RLIM: variants seen among roughly 807,000 people sequenced by gnomAD.
RLIM encodes ring finger protein, LIM domain interacting, also known as E3 ubiquitin-protein ligase RLIM.
RLIM carries 2 observed loss-of-function variants against 34.0 expected under a neutral mutation model. The ratio of observed to expected loss-of-function variants is 0.06; its 90% CI spans 0.02 to 0.19. The LOEUF is 0.19. Among genes scored for constraint, RLIM ranks in the 10% least tolerant of loss-of-function variants. The pLI is 1.00. For missense variants in RLIM, 286 were observed against 479.7 expected (o/e 0.60, Z 3.77); for synonymous variants, 169 against 164.0 (o/e 1.03, Z -0.23).
chrX:74,598,839 T>C (rs1328452548), intron 1 of RLIM, among the ~76,000 whole-genome samples: 2 of 110,425 alleles, frequency 1.8e-5, no homozygotes, highest in Non-Finnish European at 1.9e-5. Flanking sequence ...ACTAAAATCA[T>C]ACACTTGTGG....
rs766129561 is a variant in RLIM at position 74,591,972 on chromosome X, C to T, written c.1343G>A (p.Gly448Asp). 98 of 1,209,881 alleles carry T rather than the reference C, an allele frequency of 8.1e-5. No homozygotes were observed. Among genetic ancestry groups the T allele is most frequent in the Non-Finnish European group, 9.7e-5 (87 of 895,195 alleles). Residue 448 changes from glycine (G) to aspartate (D), a missense_variant, in exon 4 of 4, where the codon GGT (glycine) becomes GAT (aspartate). By Grantham distance (94) the Gly-to-Asp change is moderately conservative (BLOSUM62 -1). This residue lies in a region of RLIM where 69 missense variants were observed against 83.5 expected (regional missense o/e 0.83). Transcript: ENST00000332687. The part of the protein sequence containing the change: ...ERAESRSGRG[G>D]SGGGSSSGSS... ...ACCAGAACTACTACCACCACCAGAA[C>T]CTCCTCTTCCACTCCGTGACTCTGC...
chrX:74,601,525 C>A (rs1302176157), intron 1 of RLIM, among the ~76,000 whole-genome samples: 1 of 111,712 alleles, frequency 9.0e-6, no homozygotes, highest in Non-Finnish European at 1.9e-5. Context: ...CAAACCCCCC[C>A]CCAAAAAGAT....
rs1317357431 is a variant in RLIM at position 74,589,554 on chromosome X, T to G, written c.*1886A>C. 8.9e-6 allele frequency: 1 copy of G among 112,520 alleles called. No individual in the cohort carries two copies. Among genetic ancestry groups the G allele is most frequent in the Admixed American group, 9.4e-5 (1 of 10,591 alleles). 9.3% of individuals were successfully genotyped at this position (112,520 alleles called of 1,213,427 possible). The stretch of plus-strand genomic sequence containing the variant: ...TACCATATTTACAAGTTAATTTCCT[T>G]GATACTTAGATAGGATTGAAAGCCA... On this transcript the variant is annotated 3_prime_UTR_variant, in exon 4 of 4. Coordinates refer to ENST00000332687, the MANE Select transcript of RLIM (RefSeq NM_016120.4).
Position 74,585,405 on chromosome X carries a change from T to C in RLIM, c.*6035A>G, listed in dbSNP as rs1931324143. ...CCATGACTCTAAAAATCAAGTCTAT[T>C]TGACATTGGTTTGAAGCAACAGAAC... On this transcript the variant is annotated 3_prime_UTR_variant, in exon 4 of 4. Transcript: ENST00000332687. 1 of 111,963 alleles carries C rather than the reference T, an allele frequency of 8.9e-6. No individual in the cohort carries two copies. Among genetic ancestry groups the C allele is most frequent in the Admixed American group, 9.5e-5 (1 of 10,503 alleles). The allele number at this position is 111,963 out of a possible 1,213,427, so 9.2% of individuals were successfully genotyped here. A position where few individuals can be genotyped will look rare whatever the true frequency, so the allele number is the denominator to read the frequency against.
intron 1 of RLIM, among the ~76,000 whole-genome samples, chrX:74,607,481 G>A (rs898068191): frequency 8.9e-6 from 1 of 112,989 alleles, no homozygotes; most frequent in Non-Finnish European, 1.9e-5. Flanking sequence ...AGGCCGACGC[G>A]GGCGGATCAC....
intron 1 of RLIM, among the ~76,000 whole-genome samples, chrX:74,609,789 A>G: frequency 9.0e-6 from 1 of 111,559 alleles, no homozygotes; most frequent in Non-Finnish European, 1.9e-5. Flanking sequence ...CCTTAGTTAT[A>G]ATCAGCACTA....
chrX:74,610,463 A>C (rs1331836813), intron 1 of RLIM, among the ~76,000 whole-genome samples: 10 of 100,412 alleles, frequency 1.0e-4, no homozygotes, highest in African/African-American at 4.0e-4. Context: ...ACAAACAAAA[A>C]AAACCAAAAA....
In RLIM at chrX:74,587,118, A is replaced by G. The variant is rs1485471914; in HGVS notation, c.*4322T>C. The G allele has an allele frequency of 8.9e-6, 1 of 111,954 alleles. No homozygotes were observed. The highest frequency in any genetic ancestry group is 3.2e-5 in the African/African-American group (1 of 30,785). The allele number at this position is 111,954 out of a possible 1,213,427, so 9.2% of individuals were successfully genotyped here. ...AAAAAATAAAATAAAATAAAAATAA[A>G]TAAGTGACATACTAGTTCCTCGGAT... is the stretch of plus-strand genomic sequence containing the variant. On this transcript the variant is annotated 3_prime_UTR_variant, in exon 4 of 4. Coordinates refer to ENST00000332687, the MANE Select transcript of RLIM (RefSeq NM_016120.4).
intron 1 of RLIM, among the ~76,000 whole-genome samples, chrX:74,612,302 T>G (rs1002209971): frequency 6.2e-5 from 7 of 112,251 alleles, no homozygotes; most frequent in Non-Finnish European, 1.3e-4. Flanking sequence ...CAACAAATTT[T>G]TTGTTGTTGT....
Position 74,592,251 on chromosome X carries a change from G to T in RLIM, c.1064C>A (p.Thr355Asn). Residue 355 changes from threonine (T) to asparagine (N), a missense_variant, in exon 4 of 4, where the codon ACC becomes AAC. Physicochemically the swap from Thr to Asn is moderately conservative, Grantham distance 65. This residue lies in a region of RLIM where 121 missense variants were observed against 182.4 expected (regional missense o/e 0.66). Transcript: ENST00000332687. ...SRSQTPNNTV[T>N]YESERGGFRR... ...AAAACCTCCTCGTTCACTTTCATAG[G>T]TGACAGTGTTGTTTGGTGTCTGAGA... 8.3e-7 allele frequency: 1 copy of T among 1,211,610 alleles called. No homozygotes were observed. Among genetic ancestry groups the T allele is most frequent in the Non-Finnish European group, 1.1e-6 (1 of 895,425 alleles).
intron 2 of RLIM, among the ~76,000 whole-genome samples, chrX:74,595,279 C>T (rs759454804): frequency 6.3e-5 from 7 of 111,657 alleles, no homozygotes; most frequent in Non-Finnish European, 1.1e-4. Flanking sequence ...TAAGCAATTA[C>T]TCAAAGGTAA....
rs766410566 is a variant in RLIM at position 74,588,955 on chromosome X, C to T, written c.*2485G>A. ...CTAAAACACTTGTATTCATTCTATA[C>T]AATCGAATGGAAATCCGTGAGTGCT... On this transcript the variant is annotated 3_prime_UTR_variant, in exon 4 of 4. Transcript: ENST00000332687. 1 of 112,162 alleles carries T rather than the reference C, an allele frequency of 8.9e-6. No individual in the cohort carries two copies. Among genetic ancestry groups the T allele is most frequent in the East Asian group, 2.8e-4 (1 of 3,573 alleles). 9.2% of individuals were successfully genotyped at this position (112,162 alleles called of 1,213,427 possible). A position where few individuals can be genotyped will look rare whatever the true frequency, so the allele number is the denominator to read the frequency against.
chrX:74,592,748 A>G lies in RLIM; in HGVS notation c.567T>C (p.Ser189=). 5.8e-6 allele frequency: 7 copies of G among 1,211,757 alleles called. No individual in the cohort carries two copies. Among genetic ancestry groups the G allele is most frequent in the Non-Finnish European group, 7.8e-6 (7 of 895,525 alleles). ...CTTCAGTTGAATTTCGTTCTGATCT[A>G]GATGGCCTTGCAGATGTTGATTCAG... The part of the protein sequence containing the change: ...PRSESTSARP[S]RSERNSTEAL... The change falls in exon 4 of 4, where the codon TCT becomes TCC. Residue 189 remains serine (S), a synonymous_variant. Coordinates refer to ENST00000332687, the MANE Select transcript of RLIM (RefSeq NM_016120.4).
At chrX:74,595,567 T>C (rs2079636099) in intron 2 of RLIM, among the ~76,000 whole-genome samples, 1 of 112,070 alleles carries the variant, frequency 8.9e-6, no homozygotes, top group Non-Finnish European at 1.9e-5. Context: ...AGCTCCATTC[T>C]TTTCAATTCA....
At chrX:74,598,880 GAA>G (rs2079650385) in intron 1 of RLIM, among the ~76,000 whole-genome samples, 1 of 111,034 alleles carries the variant, frequency 9.0e-6, no homozygotes, top group Non-Finnish European at 1.9e-5. Flanking sequence ...CTATATGTAT[GAA>G]AAGATATTTT....
rs751253413 is a variant in RLIM, at chrX:74,592,587, T to A, written c.728A>T (p.His243Leu). 3.3e-6 allele frequency: 4 copies of A among 1,208,556 alleles called. No individual in the cohort carries two copies. The highest frequency in any genetic ancestry group is 4.5e-6 in the Non-Finnish European group (4 of 893,771). ...HPMSEIPRRS[H>L]HSISSQTFEH... ...AAAAGTCTGAGATGAGATACTATGA[T>A]GAGATCTTCGTGGAATTTCACTCAT... is the stretch of plus-strand genomic sequence containing the variant. Residue 243 changes from histidine (H) to leucine (L), a missense_variant, in exon 4 of 4, where the codon CAT becomes CTT. Around this residue, in one of 6 missense-constraint regions of RLIM, gnomAD observed 121 missense variants for 182.4 expected, o/e 0.66. Transcript: ENST00000332687.
chrX:74,591,072 T>C lies in RLIM; in HGVS notation c.*368A>G, dbSNP rs7056769. On this transcript the variant is annotated 3_prime_UTR_variant, in exon 4 of 4. Coordinates refer to ENST00000332687, the MANE Select transcript of RLIM (RefSeq NM_016120.4). Reference sequence around the variant, plus strand: ...CTTAGTCTAAACTGGTAATTTCCTTTGCTCCTCTCTTATGGTGTGGGAAAA... The same window carrying C: ...CTTAGTCTAAACTGGTAATTTCCTTCGCTCCTCTCTTATGGTGTGGGAAAA... The C allele has an allele frequency of 0.16, 27,112 of 164,559 alleles. 2,229 individuals carry two copies. The highest frequency in any genetic ancestry group is 0.34 in the African/African-American group (11,154 of 32,701). 13.6% of individuals were successfully genotyped at this position (164,559 alleles called of 1,213,427 possible).
chrX:74,604,405 A>T (rs1462048267), intron 1 of RLIM, among the ~76,000 whole-genome samples: 1 of 111,918 alleles, frequency 8.9e-6, no homozygotes, highest in African/African-American at 3.3e-5. Flanking sequence ...GTTAATGGCT[A>T]CCATATTGGG....
At chrX:74,602,073 G>C (rs2079663834) in intron 1 of RLIM, among the ~76,000 whole-genome samples, 1 of 111,620 alleles carries the variant, frequency 9.0e-6, no homozygotes, top group African/African-American at 3.3e-5. Context: ...CCCAAGACAT[G>C]GTAAACAAAT....
Sources: allele counts gnomAD v4.1 joint callset (sites outside exome capture counted in the v4.1 genomes callset), GRCh38; gene constraint gnomAD v4.1.1; regional missense constraint gnomAD v4.1.1; transcripts MANE v1.5; gene names NCBI Gene and HGNC (gene_info 2026-07-23, HGNC 2026-07-21).